COBL: variants seen among roughly 807,000 people sequenced by gnomAD.
COBL encodes the protein cordon-bleu WH2 repeat protein.
Under a neutral mutation model 98.8 loss-of-function variants are expected in COBL, and 51 were observed. The observed-to-expected ratio is 0.52, with a 90% confidence interval of 0.41 to 0.65. COBL has a LOEUF of 0.65. COBL is among the 30% of genes least tolerant of loss of function. COBL has a pLI of 0.00. For synonymous variants in COBL, 634 were observed against 651.7 expected (o/e 0.97, Z 0.41); for missense variants, 1,617 against 1,617.5 (o/e 1.00, Z 0.01).
At chr7:51,311,937 C>A (rs1023559823) in intron 1 of COBL, among the ~76,000 whole-genome samples, 26 of 150,176 alleles carry the variant, frequency 1.7e-4, no homozygotes, top group African/African-American at 6.1e-4. Flanking sequence ...AAAAAAAAAA[C>A]CACACAATTA....
At chr7:51,119,122 C>A (rs1408126321) in intron 6 of COBL, among the ~76,000 whole-genome samples, 1 of 152,136 alleles carries the variant, frequency 6.6e-6, no homozygotes, top group African/African-American at 2.4e-5. Flanking sequence ...AACATACCTA[C>A]CAAAGTTACA....
chr7:51,175,483 T>C (rs1353865793), intron 5 of COBL, among the ~76,000 whole-genome samples: 1 of 152,218 alleles, frequency 6.6e-6, no homozygotes, highest in Non-Finnish European at 1.5e-5. Flanking sequence ...GTCTTGGAAA[T>C]GTTAACATGC....
chr7:51,237,418 A>T, intron 1 of COBL, among the ~76,000 whole-genome samples: 1 of 152,318 alleles, frequency 6.6e-6, no homozygotes, highest in Middle Eastern at 3.4e-3. Context: ...TAAAGTTTAA[A>T]ACACAAATGA....
At chr7:51,088,075 G>C (rs1408939187) in intron 6 of COBL, among the ~76,000 whole-genome samples, 1 of 152,036 alleles carries the variant, frequency 6.6e-6, no homozygotes, top group Non-Finnish European at 1.5e-5. Context: ...TTCCTCTGCA[G>C]GCTCAGGGGC....
At chr7:51,200,242 GCT>G (rs1201785539) in intron 2 of COBL, among the ~76,000 whole-genome samples, 26 of 152,178 alleles carry the variant, frequency 1.7e-4, no homozygotes, top group Non-Finnish European at 3.1e-4. Flanking sequence ...CACTAGACCT[GCT>G]AAAGTTAGTT....
intron 1 of COBL, among the ~76,000 whole-genome samples, chr7:51,246,943 A>G (rs2129131513): frequency 6.6e-6 from 1 of 152,326 alleles, no homozygotes; most frequent in East Asian, 1.9e-4. Flanking sequence ...ACCAAGTCCT[A>G]AACATTAGAG....
chr7:51,142,200 C>T (rs1347867779), intron 5 of COBL, among the ~76,000 whole-genome samples: 1 of 151,800 alleles, frequency 6.6e-6, no homozygotes. Context: ...GGCCAAGTAC[C>T]CCATGGAATG....
At chr7:51,142,544 C>T (rs924488377) in intron 5 of COBL, among the ~76,000 whole-genome samples, 2 of 151,820 alleles carry the variant, frequency 1.3e-5, no homozygotes, top group Non-Finnish European at 2.9e-5. Context: ...CCACCACGCC[C>T]GGCTAATTTT....
At chr7:51,212,729 A>G (rs1019038028) in intron 2 of COBL, among the ~76,000 whole-genome samples, 1 of 152,202 alleles carries the variant, frequency 6.6e-6, no homozygotes, top group Non-Finnish European at 1.5e-5. Flanking sequence ...AGTGGCATGC[A>G]CCATAGCAAG....
At chr7:51,084,905 CCT>C (rs1794047770) in intron 7 of COBL, among the ~76,000 whole-genome samples, 1 of 152,132 alleles carries the variant, frequency 6.6e-6, no homozygotes, top group Non-Finnish European at 1.5e-5. Flanking sequence ...CCATTTTCAC[CCT>C]CTCCCGGCTC....
rs956119494 is a variant in COBL at position 51,264,703 on chromosome 7, C to CT, written c.42-44760dup. Among the ~76,000 whole-genome samples the CT allele has an allele frequency of 5.5e-4, 80 of 144,712 alleles. No individual in the cohort carries two copies. In the East Asian group the frequency reaches 0.013, roughly 24 times the overall value. The allele number at this position is 144,712 out of a possible 152,430, so 94.9% of individuals were successfully genotyped here. On this transcript the variant is annotated intron_variant, in intron 1 of 12. Coordinates refer to ENST00000265136, the MANE Select transcript of COBL (RefSeq NM_015198.5). ...AAAAAAAAAAAAAAAAAAGCAACCT[C>CT]TAACACTTGAAGAAAAATGAACAAA...
At chr7:51,282,240 C>A (rs566076849) in intron 1 of COBL, among the ~76,000 whole-genome samples, 1 of 151,906 alleles carries the variant, frequency 6.6e-6, no homozygotes, top group Non-Finnish European at 1.5e-5. Context: ...TTTGATGTAA[C>A]GTAATAGTTT....
chr7:51,249,866 T>C (rs1434066512), intron 1 of COBL, among the ~76,000 whole-genome samples: 1 of 151,946 alleles, frequency 6.6e-6, no homozygotes, highest in Non-Finnish European at 1.5e-5. Flanking sequence ...CTTTGAGAGG[T>C]TGAGGCGGGC....
intron 6 of COBL, among the ~76,000 whole-genome samples, chr7:51,105,343 C>A (rs368179884): frequency 1.2e-4 from 18 of 152,216 alleles, no homozygotes; most frequent in East Asian, 7.7e-4. Flanking sequence ...GCCTGCCCTG[C>A]TACCCACCAC....
chr7:51,039,989 C>T (rs1562830906), intron 8 of COBL, among the ~76,000 whole-genome samples: 1 of 152,334 alleles, frequency 6.6e-6, no homozygotes. Flanking sequence ...CCTGTGATCT[C>T]TCACCAGCTG....
rs545873232 is a variant in COBL at position 51,242,837 on chromosome 7, C to T, written c.42-22893G>A. On this transcript the variant is annotated intron_variant, in intron 1 of 12. Coordinates refer to ENST00000265136, the MANE Select transcript of COBL (RefSeq NM_015198.5). ...GTGCTTCCTCTCTGGGAGGCCCTGT[C>T]GAATGCCAACATTATCACCTCCGCA... 5.9e-5 allele frequency among the ~76,000 whole-genome samples: 9 copies of T among 152,118 alleles called. No individual in the cohort carries two copies. The South Asian group carries it at 1.2e-3, about 21-fold the overall frequency.
chr7:51,135,024 G>GA (rs1554401396), intron 6 of COBL, among the ~76,000 whole-genome samples: 7 of 151,878 alleles, frequency 4.6e-5, no homozygotes, highest in Non-Finnish European at 1.0e-4. Flanking sequence ...GTGCAGTGGC[G>GA]TGATCTTGGC....
intron 1 of COBL, among the ~76,000 whole-genome samples, chr7:51,225,145 C>T (rs940547892): frequency 1.3e-5 from 2 of 152,194 alleles, no homozygotes; most frequent in Non-Finnish European, 2.9e-5. Context: ...ACAGTCACAG[C>T]ACAAAACAGA....
Position 51,028,169 on chromosome 7 carries a change from A to G in COBL, c.2927T>C (p.Phe976Ser), listed in dbSNP as rs1157364720. Reference protein sequence around the residue: ...RPAAIHRSSCFSLVQSSQRDR... With the variant: ...RPAAIHRSSCSSLVQSSQRDR... ...CCTCTGGGAAGACTGAACCAGTGAG[A>G]AACAGGAGCTTCTGTGGATAGCAGC... is the stretch of plus-strand genomic sequence containing the variant. Residue 976 changes from phenylalanine to serine, a missense_variant, in exon 10 of 13, where the codon TTC becomes TCC. Phe to Ser is a radical substitution (Grantham distance 155). Transcript: ENST00000265136. 6.2e-7 allele frequency: 1 copy of G among 1,614,246 alleles called. No individual in the cohort carries two copies. Among genetic ancestry groups the G allele is most frequent in the East Asian group, 2.2e-5 (1 of 44,876 alleles).
Sources: gnomAD v4.1 joint callset for allele counts (sites outside exome capture counted in the v4.1 genomes callset) on GRCh38, gnomAD v4.1.1 for gene constraint, MANE v1.5 for transcripts, NCBI Gene and HGNC (gene_info 2026-07-23, HGNC 2026-07-21) for gene names.